The following GNAQ variants were observed in gnomAD, a reference collection of about 807,000 sequenced individuals.
GNAQ encodes the protein guanine nucleotide-binding protein G(q) subunit alpha.
Under a neutral mutation model 43.9 loss-of-function variants are expected in GNAQ, and 8 were observed. The observed-to-expected ratio is 0.18, with a 90% CI of 0.11 to 0.33. GNAQ has a LOEUF of 0.33. GNAQ is among the 10% of genes least tolerant of loss of function. The pLI is 1.00. For synonymous variants in GNAQ, 155 were observed against 170.7 expected (o/e 0.91, Z 0.71); for missense variants, 158 against 450.8 (o/e 0.35, Z 5.88).
chr9:77,738,398 T>TA (rs960449606), intron 5 of GNAQ, among the ~76,000 whole-genome samples: 16 of 152,280 alleles, frequency 1.1e-4, no homozygotes, highest in Middle Eastern at 3.4e-3. Context: ...ATTTCTACAT[T>TA]AAAAAATTAT....
In GNAQ at chr9:77,718,041, G is replaced by A. The variant is rs1825251844; in HGVS notation, c.*3282C>T. ...CTGGGGGTTAGAACTGCCATGTCAC[G>A]CAAAAAGGGAAAAATCATCTGTAAA... On this transcript the variant is annotated 3_prime_UTR_variant, in exon 7 of 7. Coordinates refer to ENST00000286548, the MANE Select transcript of GNAQ (RefSeq NM_002072.5). 8.6e-6 allele frequency: 2 copies of A among 232,534 alleles called. No individual in the cohort carries two copies. The highest frequency in any genetic ancestry group is 2.2e-5 in the African/African-American group (1 of 45,290). The allele number at this position is 232,534 out of a possible 1,614,324, so 14.4% of individuals were successfully genotyped here.
intron 1 of GNAQ, among the ~76,000 whole-genome samples, chr9:77,966,792 A>C (rs1823172996): frequency 6.6e-6 from 1 of 152,188 alleles, no homozygotes; most frequent in African/African-American, 2.4e-5. Context: ...TTGGCACAGG[A>C]GATGGACTGT....
At chr9:77,756,160 G>C (rs1318223489) in intron 5 of GNAQ, among the ~76,000 whole-genome samples, 1 of 152,212 alleles carries the variant, frequency 6.6e-6, no homozygotes, top group Non-Finnish European at 1.5e-5. Flanking sequence ...TGGCTTCCTT[G>C]CTCCTCAGCT....
intron 2 of GNAQ, among the ~76,000 whole-genome samples, chr9:77,855,478 T>C (rs1271904106): frequency 1.3e-5 from 2 of 152,184 alleles, no homozygotes; most frequent in African/African-American, 4.8e-5. Flanking sequence ...TGATTTTGCA[T>C]GGTATATCTA....
At chr9:77,826,211 A>T (rs979862211) in intron 2 of GNAQ, among the ~76,000 whole-genome samples, 1 of 152,194 alleles carries the variant, frequency 6.6e-6, no homozygotes, top group African/African-American at 2.4e-5. Context: ...AAACAATGCT[A>T]TGGCAAAGAA....
chr9:77,950,563 TAAAC>T (rs906682027), intron 1 of GNAQ, among the ~76,000 whole-genome samples: 2 of 152,214 alleles, frequency 1.3e-5, no homozygotes, highest in Non-Finnish European at 2.9e-5. Context: ...TCTGTACTGA[TAAAC>T]AAGCAAATGT....
intron 1 of GNAQ, among the ~76,000 whole-genome samples, chr9:78,009,716 T>C (rs947528574): frequency 5.3e-5 from 8 of 152,154 alleles, no homozygotes; most frequent in Admixed American, 6.5e-5. Context: ...AGGGTAGAAT[T>C]ACAAATGCTA....
At chr9:78,001,671 C>T (rs1248082484) in intron 1 of GNAQ, among the ~76,000 whole-genome samples, 2 of 151,458 alleles carry the variant, frequency 1.3e-5, no homozygotes, top group African/African-American at 4.9e-5. Flanking sequence ...AATCTCAGAT[C>T]AGAGGAGAAG....
chr9:77,997,374 T>G (rs1171388546), intron 1 of GNAQ, among the ~76,000 whole-genome samples: 2 of 152,152 alleles, frequency 1.3e-5, no homozygotes, highest in Non-Finnish European at 2.9e-5. Flanking sequence ...CTCCAGAGAT[T>G]TTTCAGGGCT....
chr9:77,927,655 CT>C (rs1168709865), intron 1 of GNAQ, among the ~76,000 whole-genome samples: 3 of 149,782 alleles, frequency 2.0e-5, no homozygotes, highest in Admixed American at 1.3e-4. Flanking sequence ...ACCACTTCTA[CT>C]TTTTTTTTTC....
chr9:77,902,459 A>C lies in GNAQ; in HGVS notation c.321+19702T>G, dbSNP rs144109151. ...TTACATAATAAAAGCCTTGCTTACA[A>C]AGTTGAGAGGAATGTCTTAACAGAT... is the stretch of plus-strand genomic sequence containing the variant. On this transcript the variant is annotated intron_variant, in intron 2 of 6. Coordinates refer to ENST00000286548, the MANE Select transcript of GNAQ (RefSeq NM_002072.5). Among the ~76,000 whole-genome samples the C allele has an allele frequency of 2.6e-3, 400 of 152,332 alleles. 2 individuals carry two copies. Among genetic ancestry groups the C allele is most frequent in the Middle Eastern group, 0.014 (4 of 294 alleles).
chr9:77,937,952 C>T (rs10869989), intron 1 of GNAQ, among the ~76,000 whole-genome samples: 32,015 of 151,994 alleles, frequency 0.21, 3,585 homozygotes, highest in South Asian at 0.37. Context: ...TAAATGCATT[C>T]CTTCTTGTTT....
intron 1 of GNAQ, among the ~76,000 whole-genome samples, chr9:77,970,233 AAAC>A (rs955585001): frequency 4.7e-5 from 7 of 147,936 alleles, no homozygotes; most frequent in African/African-American, 1.8e-4. Context: ...AAAAAAAAAA[AAAC>A]AAACAAACAA....
intron 2 of GNAQ, among the ~76,000 whole-genome samples, chr9:77,883,852 T>C (rs1369258882): frequency 2.6e-5 from 4 of 152,218 alleles, no homozygotes; most frequent in African/African-American, 9.6e-5. Context: ...TCCCTGTTCA[T>C]TGCCCACCAA....
intron 2 of GNAQ, among the ~76,000 whole-genome samples, chr9:77,877,998 A>C (rs1397119746): frequency 1.3e-5 from 2 of 152,150 alleles, no homozygotes; most frequent in Admixed American, 1.3e-4. Flanking sequence ...CCACAATTTT[A>C]ATTACCATGT....
chr9:77,807,180 T>C (rs1232601333), intron 3 of GNAQ, among the ~76,000 whole-genome samples: 7 of 152,154 alleles, frequency 4.6e-5, no homozygotes, highest in Non-Finnish European at 8.8e-5. Context: ...AATACCAGAG[T>C]CAGCAAGGCT....
chr9:77,962,929 A>C (rs1823123887), intron 1 of GNAQ, among the ~76,000 whole-genome samples: 1 of 151,802 alleles, frequency 6.6e-6, no homozygotes, highest in Admixed American at 6.6e-5. Context: ...TGCATGGAAA[A>C]TGTGTATTAT....
At chr9:77,731,261 TAGA>T (rs1040386627) in intron 5 of GNAQ, among the ~76,000 whole-genome samples, 16 of 152,246 alleles carry the variant, frequency 1.1e-4, no homozygotes, top group African/African-American at 3.1e-4. Flanking sequence ...TGCATTGATA[TAGA>T]AGAAGGTGTA....
chr9:77,744,542 A>T (rs1236209369), intron 5 of GNAQ, among the ~76,000 whole-genome samples: 1 of 152,242 alleles, frequency 6.6e-6, no homozygotes, highest in African/African-American at 2.4e-5. Context: ...TGGTTTGCTT[A>T]ATCCAATGCA....
Sources: allele counts gnomAD v4.1 joint callset (sites outside exome capture counted in the v4.1 genomes callset), GRCh38; gene constraint gnomAD v4.1.1; transcripts MANE v1.5; gene names NCBI Gene and HGNC (gene_info 2026-07-23, HGNC 2026-07-21).